FAM227B: variants seen among roughly 807,000 people sequenced by gnomAD.
FAM227B encodes the protein family with sequence similarity 227 member B.
In FAM227B, 88 loss-of-function variants were observed where a neutral mutation model predicts 73.8. That is an observed-to-expected ratio of 1.19 (90% CI 1.00 to 1.42). FAM227B has a LOEUF of 1.42. FAM227B is among the 40% of genes most tolerant of loss of function. The probability of loss-of-function intolerance (pLI) is 0.00; values close to 1 mark genes in which losing one functional copy is unlikely to be tolerated. For synonymous variants in FAM227B, 210 were observed against 190.5 expected, an observed-to-expected ratio of 1.10 and a Z score of -0.84; for missense variants, 632 against 590.9, an observed-to-expected ratio of 1.07 and a Z score of -0.72.
chr15:49,473,945 G>A (rs777170916), intron 11 of FAM227B, among the ~76,000 whole-genome samples: 1 of 152,000 alleles, frequency 6.6e-6, no homozygotes, highest in Non-Finnish European at 1.5e-5. Flanking sequence ...ATCATTTGTT[G>A]CAGGGGAACA....
chr15:49,452,408 A>C (rs1882329169), intron 11 of FAM227B, among the ~76,000 whole-genome samples: 1 of 152,184 alleles, frequency 6.6e-6, no homozygotes, highest in Non-Finnish European at 1.5e-5. Context: ...TGAAAATTAA[A>C]ATGAACCCTT....
intron 11 of FAM227B, among the ~76,000 whole-genome samples, chr15:49,374,215 C>T (rs1567175150): frequency 1.3e-5 from 2 of 151,988 alleles, no homozygotes; most frequent in African/African-American, 2.4e-5. Context: ...TACCTGAGAC[C>T]CAAGCCTGAT....
intron 11 of FAM227B, among the ~76,000 whole-genome samples, chr15:49,464,617 GAAT>G (rs2054102062): frequency 6.6e-6 from 1 of 152,166 alleles, no homozygotes; most frequent in Non-Finnish European, 1.5e-5. Flanking sequence ...AAAAGTCACT[GAAT>G]AATGATTTTC....
At chr15:49,481,963 G>A (rs962693559) in intron 11 of FAM227B, among the ~76,000 whole-genome samples, 15 of 151,980 alleles carry the variant, frequency 9.9e-5, no homozygotes, top group African/African-American at 3.4e-4. Context: ...TATTATCCAG[G>A]TAGCAAAAAT....
chr15:49,579,103 A>G (rs73404185), intron 5 of FAM227B, among the ~76,000 whole-genome samples: 9,056 of 152,236 alleles, frequency 0.059, 973 homozygotes, highest in African/African-American at 0.21. Flanking sequence ...CAAACCCACA[A>G]TGAAATATCA....
chr15:49,544,794 A>G (rs79732405), intron 9 of FAM227B, among the ~76,000 whole-genome samples: 102 of 152,250 alleles, frequency 6.7e-4, no homozygotes, highest in African/African-American at 2.5e-3. Flanking sequence ...TTTGTGATGT[A>G]TCACATTTAT....
At chr15:49,525,284 T>C (rs1385485098) in intron 10 of FAM227B, among the ~76,000 whole-genome samples, 1 of 152,008 alleles carries the variant, frequency 6.6e-6, no homozygotes, top group Non-Finnish European at 1.5e-5. Flanking sequence ...ATCTGATGGT[T>C]TTAAAAATGG....
Position 49,367,585 on chromosome 15 carries a change from T to C in FAM227B, c.1134A>G (p.Pro378=). 1.3e-6 allele frequency: 2 copies of C among 1,598,706 alleles called. No homozygotes were observed. Among genetic ancestry groups the C allele is most frequent in the Non-Finnish European group, 1.7e-6 (2 of 1,176,626 alleles). Residue 378 remains proline, a synonymous_variant, in exon 13 of 16, where the codon CCA becomes CCG. Transcript: ENST00000299338. ...ATKSHYSSTG[P]EFNRVLFNFG... is the part of the protein sequence containing the mutation. ...AATTGAAGAGAACACGATTAAACTC[T>C]GGACCAGTACTACTATAGTGCGACT...
At position 49,546,379 on chromosome 15, in the gene FAM227B, T is replaced by G. The variant is rs558207302; in HGVS notation, c.748-4573A>C. ...ATCGTTGTTGGACATTTACGTTGGT[T>G]CCAAGTCTTTGCTATTGTGAATAGT... On this transcript the variant is annotated intron_variant, in intron 9 of 15. Transcript: ENST00000299338. Among the ~76,000 whole-genome samples, 31 of 152,352 alleles carry G rather than the reference T, an allele frequency of 2.0e-4. No homozygotes were observed. The East Asian group carries it at 5.4e-3, about 27-fold the overall frequency.
intron 11 of FAM227B, among the ~76,000 whole-genome samples, chr15:49,462,564 C>G (rs2053900305): frequency 6.6e-6 from 1 of 152,190 alleles, no homozygotes; most frequent in African/African-American, 2.4e-5. Flanking sequence ...TGTGCATGAT[C>G]CACTTTCGTT....
At chr15:49,595,402 T>G (rs1008127800) in intron 3 of FAM227B, among the ~76,000 whole-genome samples, 1 of 152,048 alleles carries the variant, frequency 6.6e-6, no homozygotes, top group East Asian at 1.9e-4. Context: ...CAGTGACAGT[T>G]TGACATACTC....
At chr15:49,515,152 G>T (rs1404463206) in intron 10 of FAM227B, among the ~76,000 whole-genome samples, 1 of 151,954 alleles carries the variant, frequency 6.6e-6, no homozygotes, top group East Asian at 1.9e-4. Context: ...TGGATGCTCT[G>T]TTCTGTATTT....
chr15:49,615,772 C>T (rs144187917), intron 1 of FAM227B, among the ~76,000 whole-genome samples: 3 of 152,310 alleles, frequency 2.0e-5, no homozygotes, highest in Non-Finnish European at 4.4e-5. Flanking sequence ...ATATTCTGCT[C>T]ATGAAGCTGG....
rs537771881 is a variant in FAM227B at position 49,527,693 on chromosome 15, T to A, written c.874+13987A>T. On this transcript the variant is annotated intron_variant, in intron 10 of 15. Coordinates refer to ENST00000299338, the MANE Select transcript of FAM227B (RefSeq NM_152647.3). ...AAACAGTGTACAGAAATCAGTAGCA[T>A]TTCTACACACTGATAATGTTCAAGC... 3.3e-4 allele frequency among the ~76,000 whole-genome samples: 50 copies of A among 152,036 alleles called. No homozygotes were observed. In the South Asian group the frequency reaches 0.01, roughly 32 times the overall value.
At chr15:49,450,621 C>T (rs1597275500) in intron 11 of FAM227B, among the ~76,000 whole-genome samples, 1 of 152,150 alleles carries the variant, frequency 6.6e-6, no homozygotes. Flanking sequence ...AATTCAAGGG[C>T]TGCAGCCAGC....
At chr15:49,380,533 T>A (rs1340550228) in intron 11 of FAM227B, among the ~76,000 whole-genome samples, 1 of 152,214 alleles carries the variant, frequency 6.6e-6, no homozygotes. Context: ...AAAAGAAGGT[T>A]ATGTCTCTAA....
chr15:49,398,243 G>C (rs951067599), intron 11 of FAM227B, among the ~76,000 whole-genome samples: 1 of 152,090 alleles, frequency 6.6e-6, no homozygotes, highest in East Asian at 1.9e-4. Flanking sequence ...GATCAAGAGA[G>C]ACAAAGAAGG....
At chr15:49,584,782 C>G (rs1361602536) in intron 5 of FAM227B, among the ~76,000 whole-genome samples, 1 of 152,074 alleles carries the variant, frequency 6.6e-6, no homozygotes, top group East Asian at 1.9e-4. Flanking sequence ...ACAAAAATAT[C>G]TAGGAATACT....
At chr15:49,444,227 G>A (rs1233914258) in intron 11 of FAM227B, among the ~76,000 whole-genome samples, 1 of 151,674 alleles carries the variant, frequency 6.6e-6, no homozygotes. Context: ...ATTTATGATT[G>A]CTCTCAAGAC....
Sources: gnomAD v4.1 joint callset for allele counts (sites outside exome capture counted in the v4.1 genomes callset) on GRCh38, gnomAD v4.1.1 for gene constraint, MANE v1.5 for transcripts, NCBI Gene and HGNC (gene_info 2026-07-23, HGNC 2026-07-21) for gene names.